The following LRBA variants were observed in gnomAD, a reference collection of about 807,000 sequenced individuals.
The protein encoded by LRBA is LPS responsive beige-like anchor protein.
Under a neutral mutation model 330.0 loss-of-function variants are expected in LRBA, and 176 were observed. The ratio of observed to expected loss-of-function variants is 0.53; its 90% confidence interval spans 0.47 to 0.60. The LOEUF is 0.60. Among genes scored for constraint, LRBA ranks in the 20% least tolerant of loss-of-function variants. The pLI, the probability that LRBA is intolerant of heterozygous loss-of-function variation, is 0.00. For missense variants in LRBA, 3,259 were observed against 3,444.8 expected, an observed-to-expected ratio of 0.95 and a Z score of 1.35; for synonymous variants, 1,230 against 1,193.0, an observed-to-expected ratio of 1.03 and a Z score of -0.64.
chr4:150,834,623 G>C (rs1304464102), intron 28 of LRBA, among the ~76,000 whole-genome samples: 1 of 152,168 alleles, frequency 6.6e-6, no homozygotes, highest in African/African-American at 2.4e-5. Context: ...CTTTTATAGA[G>C]CACAGGCAGA....
chr4:150,976,603 C>T (rs1451022013), intron 2 of LRBA, among the ~76,000 whole-genome samples: 2 of 152,144 alleles, frequency 1.3e-5, no homozygotes, highest in African/African-American at 2.4e-5. Flanking sequence ...TGGCCAAATA[C>T]AAGCCTTCAC....
chr4:150,742,870 C>T lies in LRBA; in HGVS notation c.5646-7504G>A, dbSNP rs148586453. Among the ~76,000 whole-genome samples, 647 of 152,210 alleles carry T rather than the reference C, an allele frequency of 4.3e-3. 4 individuals carry two copies. The highest frequency in any genetic ancestry group is 0.015 in the African/African-American group (626 of 41,516). The stretch of plus-strand genomic sequence containing the variant: ...CCATGATGGCATCACTGCACTGCAG[C>T]CAGGGCGACAAAGTAAGAACCTGTC... On this transcript the variant is annotated intron_variant, in intron 35 of 56. Coordinates refer to ENST00000651943, the MANE Select transcript of LRBA (RefSeq NM_001364905.1).
intron 46 of LRBA, among the ~76,000 whole-genome samples, chr4:150,431,057 C>G (rs1031250025): frequency 1.3e-5 from 2 of 152,206 alleles, no homozygotes; most frequent in African/African-American, 4.8e-5. Flanking sequence ...TTAGATGTAG[C>G]TGTCTAGTCA....
chr4:150,461,328 G>T (rs1420794325), intron 44 of LRBA, among the ~76,000 whole-genome samples: 1 of 151,780 alleles, frequency 6.6e-6, no homozygotes, highest in African/African-American at 2.4e-5. Context: ...TAAGAAATAT[G>T]TTACTTTAAA....
rs373429318 is a variant in LRBA at position 150,503,456 on chromosome 4, C to T, written c.6331-12421G>A. ...CCACGCAAACAGGGTCTGGAGTGGA[C>T]TTCTACCAAACCCCAACAGTTTGGT... On this transcript the variant is annotated intron_variant, in intron 40 of 56. Coordinates refer to ENST00000651943, the MANE Select transcript of LRBA (RefSeq NM_001364905.1). 1.3e-4 allele frequency among the ~76,000 whole-genome samples: 20 copies of T among 152,276 alleles called. No individual in the cohort carries two copies. In the South Asian group the frequency reaches 3.9e-3, roughly 30 times the overall value.
chr4:150,772,589 C>T (rs1039080902), intron 34 of LRBA, among the ~76,000 whole-genome samples: 11 of 152,202 alleles, frequency 7.2e-5, no homozygotes, highest in Admixed American at 5.9e-4. Context: ...TCAGTCTCTA[C>T]TTAAACCTAG....
At chr4:150,405,633 A>C (rs1481443981) in intron 47 of LRBA, among the ~76,000 whole-genome samples, 1 of 151,960 alleles carries the variant, frequency 6.6e-6, no homozygotes, top group African/African-American at 2.4e-5. Context: ...TAGTAGGCTT[A>C]TATATAAATG....
At chr4:150,806,770 T>C (rs1742857478) in intron 32 of LRBA, among the ~76,000 whole-genome samples, 1 of 151,944 alleles carries the variant, frequency 6.6e-6, no homozygotes, top group Admixed American at 6.6e-5. Flanking sequence ...ATTAGCACAC[T>C]GAGTTCAAGA....
chr4:150,642,125 CCTGTAA>C (rs1490242452), intron 37 of LRBA, among the ~76,000 whole-genome samples: 2 of 151,852 alleles, frequency 1.3e-5, no homozygotes, highest in Non-Finnish European at 2.9e-5. Flanking sequence ...AAATATGTTA[CCTGTAA>C]AATATGAAAT....
chr4:151,008,611 T>C (rs1429549867), intron 2 of LRBA, among the ~76,000 whole-genome samples: 1 of 151,764 alleles, frequency 6.6e-6, no homozygotes, highest in Admixed American at 6.6e-5. Flanking sequence ...AATCACCATA[T>C]AAATGGACCC....
In LRBA at chr4:150,524,449, G is replaced by A. The variant is rs75419229; in HGVS notation, c.6331-33414C>T. Among the ~76,000 whole-genome samples, 182 of 152,192 alleles carry A rather than the reference G, an allele frequency of 1.2e-3. 4 individuals are homozygous for A. Among genetic ancestry groups the A allele is most frequent in the African/African-American group, 4.3e-3 (178 of 41,540 alleles). On this transcript the variant is annotated intron_variant, in intron 40 of 56. Transcript: ENST00000651943. ...TAATTTGAATCCTGGACTTTCCAAG[G>A]GATAAACCAAAACCAATGGGCACAA...
chr4:150,463,826 A>G (rs1269144374), intron 44 of LRBA, among the ~76,000 whole-genome samples: 1 of 152,020 alleles, frequency 6.6e-6, no homozygotes, highest in Non-Finnish European at 1.5e-5. Context: ...CATACAGCCT[A>G]CATAATAAAA....
intron 8 of LRBA, among the ~76,000 whole-genome samples, chr4:150,914,616 C>T (rs1041996595): frequency 6.6e-6 from 1 of 152,052 alleles, no homozygotes; most frequent in East Asian, 1.9e-4. Flanking sequence ...AGTTACTTAA[C>T]CTCTTTGTAC....
intron 40 of LRBA, among the ~76,000 whole-genome samples, chr4:150,528,669 G>A (rs1763741975): frequency 6.6e-6 from 1 of 152,028 alleles, no homozygotes; most frequent in Non-Finnish European, 1.5e-5. Context: ...CGAGGTAGAG[G>A]ATTGATTTTA....
At chr4:150,364,608 A>G (rs1739176447) in intron 47 of LRBA, among the ~76,000 whole-genome samples, 1 of 152,200 alleles carries the variant, frequency 6.6e-6, no homozygotes, top group Non-Finnish European at 1.5e-5. Flanking sequence ...ACTAGTAACA[A>G]GTATTGCTGA....
intron 40 of LRBA, among the ~76,000 whole-genome samples, chr4:150,553,739 T>C (rs564884587): frequency 3.9e-5 from 6 of 152,256 alleles, no homozygotes; most frequent in African/African-American, 1.4e-4. Context: ...AACCTAAAAA[T>C]AGACACTAGA....
intron 5 of LRBA, among the ~76,000 whole-genome samples, chr4:150,918,750 A>AAAAC (rs1247582803): frequency 6.6e-6 from 1 of 152,212 alleles, no homozygotes; most frequent in Admixed American, 6.5e-5. Flanking sequence ...CTTCATCTCA[A>AAAAC]AAACAAACAA....
chr4:150,571,649 GTTTTT>G (rs58652637), intron 40 of LRBA, among the ~76,000 whole-genome samples: 2 of 74,592 alleles, frequency 2.7e-5, no homozygotes, highest in African/African-American at 4.5e-5. Context: ...CTGGTTAGTT[GTTTTT>G]TTTTTTTTTT....
rs1217465154 is a variant in LRBA, at chr4:150,350,123, G to A, written c.7231C>T (p.Gln2411Ter). 2 of 1,598,324 alleles carry A rather than the reference G, an allele frequency of 1.3e-6. No homozygotes were observed. The highest frequency in any genetic ancestry group is 1.7e-6 in the Non-Finnish European group (2 of 1,174,218). The change falls in exon 48 of 57, where the codon CAA becomes TAA. Residue 2411 changes from glutamine (Q) to a stop codon, truncating the protein, a stop_gained. Transcript: ENST00000651943. LOFTEE classifies it high-confidence loss of function. ...TAGCCAAAAATGAGATCAATCCATT[G>A]GTGAAGCTGGCAGGAAACAAATTCA... ...ESEFVSCQLHQWIDLIFGYKQ... is the reference protein window; with the variant it reads ...ESEFVSCQLH
Sources: gnomAD v4.1 joint callset for allele counts (sites outside exome capture counted in the v4.1 genomes callset) on GRCh38, gnomAD v4.1.1 for gene constraint, MANE v1.5 for transcripts, NCBI Gene and HGNC (gene_info 2026-07-23, HGNC 2026-07-21) for gene names.